The following ZDHHC18 variants were observed in gnomAD, a reference collection of about 807,000 sequenced individuals.
ZDHHC18 encodes the protein palmitoyltransferase ZDHHC18.
Under a neutral mutation model 37.5 loss-of-function variants are expected in ZDHHC18, and 23 were observed. The ratio of observed to expected loss-of-function variants is 0.61; its 90% confidence interval spans 0.44 to 0.87. The LOEUF (loss-of-function observed/expected upper bound fraction) is 0.87, where lower values mean the gene tolerates loss of function less well. Ranked by LOEUF, ZDHHC18 falls within the 40% of genes least tolerant of loss-of-function variation. ZDHHC18 has a pLI of 0.00. For synonymous variants in ZDHHC18, 185 were observed against 218.7 expected (o/e 0.85, Z 1.36); for missense variants, 406 against 525.6 (o/e 0.77, Z 2.22).
In ZDHHC18 at chr1:26,826,746, G is replaced by T; in HGVS notation, c.-59G>T. 1 of 874,654 alleles carries T rather than the reference G, an allele frequency of 1.1e-6. No homozygotes were observed. Among genetic ancestry groups the T allele is most frequent in the Non-Finnish European group, 1.4e-6 (1 of 731,196 alleles). The allele number at this position is 874,654 out of a possible 1,614,324, so 54.2% of individuals were successfully genotyped here. A position where few individuals can be genotyped will look rare whatever the true frequency, so the allele number is the denominator to read the frequency against. On this transcript the variant is annotated 5_prime_UTR_variant, in exon 1 of 8. Coordinates refer to ENST00000374142, the MANE Select transcript of ZDHHC18 (RefSeq NM_032283.3). The surrounding 1 kb of genome is among the most constrained non-coding windows in gnomAD (Gnocchi z 5.2). ...CGCTGCCACCTCCGCTGCTCGGCCC[G>T]GTCCCGGAGTGGCCCGGCCGGCCCG...
At position 26,849,193 on chromosome 1, in the gene ZDHHC18, A is replaced by G. The variant is rs2081688836; in HGVS notation, c.646+436A>G. ...GATCTGATTCCCAGAGTTGAGAGGG[A>G]AAAGCATCTAGCAACAGAGGCGTTT... On this transcript the variant is annotated intron_variant, in intron 3 of 7. Coordinates refer to ENST00000374142, the MANE Select transcript of ZDHHC18 (RefSeq NM_032283.3). 2.0e-5 allele frequency among the ~76,000 whole-genome samples: 3 copies of G among 152,148 alleles called. No individual in the cohort carries two copies. In the South Asian group the frequency reaches 6.2e-4, roughly 31 times the overall value.
chr1:26,842,288 T>G (rs2081643246), intron 2 of ZDHHC18, among the ~76,000 whole-genome samples: 1 of 152,202 alleles, frequency 6.6e-6, no homozygotes, highest in Non-Finnish European at 1.5e-5. Flanking sequence ...TGTGAGTTAA[T>G]AATAATAGCT....
At chr1:26,845,807 G>T (rs955235118) in intron 2 of ZDHHC18, among the ~76,000 whole-genome samples, 27 of 152,104 alleles carry the variant, frequency 1.8e-4, no homozygotes, top group African/African-American at 5.8e-4. Context: ...TGTTGGAAAG[G>T]CTGGAGTACA....
chr1:26,856,340 C>CA lies in ZDHHC18; in HGVS notation c.*2499dup. On this transcript the variant is annotated 3_prime_UTR_variant, in exon 8 of 8. Transcript: ENST00000374142. The surrounding 1 kb of genome is among the most constrained non-coding windows in gnomAD (Gnocchi z 5.2). The stretch of plus-strand genomic sequence containing the variant: ...ATCTCATCCTCATCGCATGCCTCGC[C>CA]AACCCCATGGAGCCCGTCCATCTGT... 1 of 389,488 alleles carries CA rather than the reference C, an allele frequency of 2.6e-6. No individual in the cohort carries two copies. The highest frequency in any genetic ancestry group is 5.5e-6 in the Non-Finnish European group (1 of 180,782). 24.1% of individuals were successfully genotyped at this position (389,488 alleles called of 1,614,324 possible).
In ZDHHC18 at chr1:26,846,126, G is replaced by A. The variant is rs1570672931; in HGVS notation, c.497-2482G>A. On this transcript the variant is annotated intron_variant, in intron 2 of 7. Coordinates refer to ENST00000374142, the MANE Select transcript of ZDHHC18 (RefSeq NM_032283.3). ...TTTGTGTGTGTGTATATATATATGT[G>A]TGTGTATATATATGTGTGTATATAT... Among the ~76,000 whole-genome samples the A allele has an allele frequency of 2.0e-5, 3 of 148,410 alleles. No homozygotes were observed. In the East Asian group the frequency reaches 5.9e-4, roughly 29 times the overall value.
At chr1:26,849,987 A>C (rs1381734111) in intron 3 of ZDHHC18, among the ~76,000 whole-genome samples, 1 of 152,202 alleles carries the variant, frequency 6.6e-6, no homozygotes, top group East Asian at 1.9e-4. Context: ...GTGACAAAAG[A>C]GAAGTGATGG....
intron 1 of ZDHHC18, among the ~76,000 whole-genome samples, chr1:26,829,281 G>A (rs929115144): frequency 2.6e-5 from 4 of 152,042 alleles, no homozygotes; most frequent in African/African-American, 9.7e-5. Flanking sequence ...CCTCCAGCAG[G>A]GCTCCCAACT....
In ZDHHC18 at chr1:26,827,154, C is replaced by A; in HGVS notation, c.335+15C>A. 1 of 1,379,498 alleles carries A rather than the reference C, an allele frequency of 7.2e-7. No individual in the cohort carries two copies. Among genetic ancestry groups the A allele is most frequent in the South Asian group, 1.6e-5 (1 of 60,984 alleles). 85.5% of individuals were successfully genotyped at this position (1,379,498 alleles called of 1,614,324 possible). ...TTCGTCTTTGAGTGAGTTCCGCTGC[C>A]TCGGCGCCCCCTCCCAGCCCCCTGC... On this transcript the variant is annotated intron_variant, in intron 1 of 7. Transcript: ENST00000374142.
chr1:26,851,216 G>T lies in ZDHHC18; in HGVS notation c.921G>T (p.Leu307=). ...ACACGTACCTCGTCGCCTCCAACCT[G>T]ACTACTAATGAAGACGTGAGTAAAC... ...GFHTYLVASN[L]TTNEDIKGSW... Residue 307 remains leucine (L), a synonymous_variant, in exon 6 of 8, where the codon CTG becomes CTT. Transcript: ENST00000374142. 1 of 1,614,186 alleles carries T rather than the reference G, an allele frequency of 6.2e-7. No individual in the cohort carries two copies. The highest frequency in any genetic ancestry group is 2.2e-5 in the East Asian group (1 of 44,892).
chr1:26,836,587 G>A (rs1471031114), intron 2 of ZDHHC18, among the ~76,000 whole-genome samples: 3 of 72,882 alleles, frequency 4.1e-5, no homozygotes, highest in African/African-American at 1.1e-4. Flanking sequence ...TTTTTTTTTT[G>A]AGACGGAGTC....
At chr1:26,829,495 AT>A (rs1434160904) in intron 1 of ZDHHC18, among the ~76,000 whole-genome samples, 7 of 151,906 alleles carry the variant, frequency 4.6e-5, no homozygotes, top group Non-Finnish European at 5.9e-5. Context: ...ACTCTCTCAC[AT>A]TAGGCCTCCC....
intron 2 of ZDHHC18, 40 bp from the exon 3 acceptor site, chr1:26,848,568 G>C (rs749206833): frequency 1.9e-6 from 3 of 1,595,044 alleles, no homozygotes; most frequent in Non-Finnish European, 2.6e-6. Context: ...GCCCTGGGCT[G>C]CCTTGGGCAT....
At position 26,848,650 on chromosome 1, in the gene ZDHHC18, G is replaced by A. The variant is rs764073418; in HGVS notation, c.539G>A (p.Arg180Gln). 2.4e-5 allele frequency: 39 copies of A among 1,613,918 alleles called. No individual in the cohort carries two copies. Among genetic ancestry groups the A allele is most frequent in the African/African-American group, 6.7e-5 (5 of 74,914 alleles). The change falls in exon 3 of 8, where the codon CGG (arginine) becomes CAG (glutamine). Residue 180 changes from arginine (R) to glutamine (Q), a missense_variant. Transcript: ENST00000374142. Reference sequence around the variant, plus strand: ...ACATACCGGCCACCCCCTCGGACCCGGGAGGTGCTGATCAACGGGCAGATG... The same window carrying A: ...ACATACCGGCCACCCCCTCGGACCCAGGAGGTGCTGATCAACGGGCAGATG... ...SSTYRPPPRT[R>Q]EVLINGQMVK... is the part of the protein sequence containing the mutation.
chr1:26,836,396 T>G (rs1412414797), intron 2 of ZDHHC18, among the ~76,000 whole-genome samples: 1 of 151,934 alleles, frequency 6.6e-6, no homozygotes, highest in East Asian at 1.9e-4. Flanking sequence ...CAATTGTAGT[T>G]ATCTCTCCAA....
intron 2 of ZDHHC18, among the ~76,000 whole-genome samples, chr1:26,845,705 A>G (rs1330117106): frequency 6.6e-6 from 1 of 152,012 alleles, no homozygotes. Flanking sequence ...AATGAAAAAA[A>G]AATTTAATTT....
At position 26,837,462 on chromosome 1, in the gene ZDHHC18, T is replaced by TATTC. The variant is rs1265684561; in HGVS notation, c.496+4858_496+4859insCATT. Among the ~76,000 whole-genome samples the TATTC allele has an allele frequency of 3.9e-5, 5 of 129,062 alleles. No individual in the cohort carries two copies. In the South Asian group the frequency reaches 7.2e-4, roughly 18 times the overall value. 84.7% of individuals were successfully genotyped at this position (129,062 alleles called of 152,430 possible). On this transcript the variant is annotated intron_variant, in intron 2 of 7. Transcript: ENST00000374142. ...AACATATTTAATATATTATGTATAT[T>TATTC]ATTTATTTATTTATTTATTTATTTA... is the stretch of plus-strand genomic sequence containing the variant.
At chr1:26,833,394 A>C (rs2081596749) in intron 2 of ZDHHC18, among the ~76,000 whole-genome samples, 1 of 152,118 alleles carries the variant, frequency 6.6e-6, no homozygotes, top group Non-Finnish European at 1.5e-5. Context: ...GGAAGAGCCC[A>C]GTAGGTGTTG....
intron 6 of ZDHHC18, among the ~76,000 whole-genome samples, chr1:26,852,433 TCA>T (rs2081709962): frequency 6.6e-6 from 1 of 152,192 alleles, no homozygotes; most frequent in African/African-American, 2.4e-5. Context: ...GGGCCGGGGC[TCA>T]CAGGCAGGTC....
At chr1:26,836,751 G>A (rs2081613671) in intron 2 of ZDHHC18, among the ~76,000 whole-genome samples, 1 of 149,090 alleles carries the variant, frequency 6.7e-6, no homozygotes, top group African/African-American at 2.5e-5. Context: ...CGTATTTTTA[G>A]TAGAGACGGG....
Sources: allele counts gnomAD v4.1 joint callset (sites outside exome capture counted in the v4.1 genomes callset), GRCh38; gene constraint gnomAD v4.1.1; non-coding constraint Gnocchi (gnomAD v3.1); transcripts MANE v1.5; gene names NCBI Gene and HGNC (gene_info 2026-07-23, HGNC 2026-07-21).